GARNL3: variants seen among roughly 807,000 people sequenced by gnomAD.
GARNL3 encodes GTPase-activating Rap/Ran-GAP domain-like protein 3.
GARNL3 carries 63 observed loss-of-function variants against 125.0 expected under a neutral mutation model. The ratio of observed to expected loss-of-function variants is 0.50; its 90% CI spans 0.41 to 0.62. GARNL3 has a LOEUF of 0.62. GARNL3 is among the 20% of genes least tolerant of loss of function. The pLI, the probability that GARNL3 is intolerant of heterozygous loss-of-function variation, is 0.00. For synonymous variants in GARNL3, 439 were observed against 457.5 expected (o/e 0.96, Z 0.52); for missense variants, 994 against 1,244.0 (o/e 0.80, Z 3.02).
intron 22 of GARNL3, among the ~76,000 whole-genome samples, chr9:127,381,743 CCCG>C (rs1832271221): frequency 6.7e-6 from 1 of 149,486 alleles, no homozygotes; most frequent in Non-Finnish European, 1.5e-5. Context: ...ACTACAGGCG[CCCG>C]CCACCACGCC....
At chr9:127,332,969 A>G in intron 8 of GARNL3, 54 bp from the exon 9 acceptor site, 1 of 1,236,894 alleles carries the variant, frequency 8.1e-7, no homozygotes, top group Middle Eastern at 1.9e-4. Flanking sequence ...CATAGTTAGA[A>G]AATGAGGACT....
rs114486389 is a variant in GARNL3 at position 127,314,157 on chromosome 9, G to A, written c.438+598G>A. 6.5e-3 allele frequency among the ~76,000 whole-genome samples: 988 copies of A among 152,284 alleles called. 9 individuals are homozygous for A. The highest frequency in any genetic ancestry group is 0.022 in the African/African-American group (933 of 41,540). On this transcript the variant is annotated intron_variant, in intron 4 of 27. Coordinates refer to ENST00000373387, the MANE Select transcript of GARNL3 (RefSeq NM_032293.5). The stretch of plus-strand genomic sequence containing the variant: ...CTCCTTGTCCTGATCCCAGGTCTCC[G>A]CTAGTCTCTGAATCTCTTAGAAGCT...
rs550474324 is a variant in GARNL3, at chr9:127,231,205, C to T, written c.-29+6867C>T. On this transcript the variant is annotated intron_variant, in intron 1 of 10. Transcript: ENST00000439286. ...TAGTAGCTGGGACTACAGGCGCCCGCCACCACGCCCAGCTAATTTTTTGTT... is the reference window on the plus strand; with the variant it reads ...TAGTAGCTGGGACTACAGGCGCCCGTCACCACGCCCAGCTAATTTTTTGTT... Among the ~76,000 whole-genome samples, 32 of 144,800 alleles carry T rather than the reference C, an allele frequency of 2.2e-4. No individual in the cohort carries two copies. The South Asian group carries it at 7.0e-3, about 32-fold the overall frequency. The allele number at this position is 144,800 out of a possible 152,430, so 95.0% of individuals were successfully genotyped here. A position where few individuals can be genotyped will look rare whatever the true frequency, so the allele number is the denominator to read the frequency against.
chr9:127,264,163 G>A, upstream of GARNL3: 1 of 499,908 alleles, frequency 2.0e-6, no homozygotes, highest in Non-Finnish European at 3.4e-6. Flanking sequence ...ATCTCATGTG[G>A]TTTCATGAGT....
intron 22 of GARNL3, among the ~76,000 whole-genome samples, chr9:127,370,674 C>A (rs1245635032): frequency 6.6e-6 from 1 of 152,236 alleles, no homozygotes; most frequent in African/African-American, 2.4e-5. Flanking sequence ...TTCAGACTTC[C>A]TTCTCTCCCA....
Position 127,389,008 on chromosome 9 carries a change from C to T in GARNL3, c.2632C>T (p.Pro878Ser), listed in dbSNP as rs1353885062. The change falls in exon 26 of 28, where the codon CCA becomes TCA. Residue 878 changes from proline (P) to serine (S), a missense_variant. Physicochemically the swap from Pro to Ser is moderately conservative, Grantham distance 74. This residue lies in a region of GARNL3 where 728 missense variants were observed against 865.7 expected (regional missense o/e 0.84). Coordinates refer to ENST00000373387, the MANE Select transcript of GARNL3 (RefSeq NM_032293.5). ...KSPLVSKVIT[P>S]PTPISVGLAA... is the part of the protein sequence containing the mutation. Reference sequence around the variant, plus strand: ...ACCCTTAGTCTCCAAGGTCATCACCCCACCCACTCCCATCAGTGTGGGCCT... The same window carrying T: ...ACCCTTAGTCTCCAAGGTCATCACCTCACCCACTCCCATCAGTGTGGGCCT... 2 of 1,613,424 alleles carry T rather than the reference C, an allele frequency of 1.2e-6. No individual in the cohort carries two copies. The highest frequency in any genetic ancestry group is 1.7e-6 in the Non-Finnish European group (2 of 1,179,444).
chr9:127,368,310 G>T (rs896432040), intron 22 of GARNL3, among the ~76,000 whole-genome samples: 2 of 149,884 alleles, frequency 1.3e-5, no homozygotes, highest in Non-Finnish European at 1.5e-5. Flanking sequence ...TGCTGAGAAG[G>T]TCAGGTCCAA....
chr9:127,263,470 C>T (rs769440719), upstream of GARNL3, among the ~76,000 whole-genome samples: 4 of 152,194 alleles, frequency 2.6e-5, no homozygotes, highest in Non-Finnish European at 4.4e-5. Context: ...TCCACCGGCA[C>T]TCCTCTCACT....
At chr9:127,264,104 T>G, upstream of GARNL3, 1 of 742,760 alleles carries the variant, frequency 1.3e-6, no homozygotes, top group Non-Finnish European at 2.1e-6. Context: ...TAGAGTTATT[T>G]GCATGACATA....
chr9:127,342,763 C>T (rs1021417452), intron 14 of GARNL3, among the ~76,000 whole-genome samples: 1 of 152,028 alleles, frequency 6.6e-6, no homozygotes, highest in Admixed American at 6.6e-5. Context: ...TATTGGCCAG[C>T]CCCATATTCA....
At position 127,354,001 on chromosome 9, in the gene GARNL3, G is replaced by A. The variant is rs75410520; in HGVS notation, c.1642+57G>A. The A allele has an allele frequency of 1.7e-3, 1,970 of 1,146,510 alleles. 31 individuals are homozygous for A. The African/African-American group carries it at 0.027, about 16-fold the overall frequency. The allele number at this position is 1,146,510 out of a possible 1,614,324, so 71.0% of individuals were successfully genotyped here. ...AGGAAGGAAAACAGTTGCCTTCTGCGGCCCACACCACAGGTCGCCAGGGTC... is the reference window on the plus strand; with the variant it reads ...AGGAAGGAAAACAGTTGCCTTCTGCAGCCCACACCACAGGTCGCCAGGGTC... On this transcript the variant is annotated intron_variant, in intron 18 of 27. Coordinates refer to ENST00000373387, the MANE Select transcript of GARNL3 (RefSeq NM_032293.5).
At chr9:127,271,445 A>G (rs2063822132) in intron 1 of GARNL3, among the ~76,000 whole-genome samples, 1 of 150,330 alleles carries the variant, frequency 6.7e-6, no homozygotes, top group Non-Finnish European at 1.5e-5. Context: ...AGAGAAAACA[A>G]GCCTCTTTGA....
At chr9:127,269,769 T>C (rs2063777588) in intron 1 of GARNL3, among the ~76,000 whole-genome samples, 1 of 135,940 alleles carries the variant, frequency 7.4e-6, no homozygotes, top group African/African-American at 2.6e-5. Flanking sequence ...GGGTTTTTGT[T>C]TTGTTTTGTT....
rs141332782 is a variant in GARNL3 at position 127,285,553 on chromosome 9, C to T, written c.145-5615C>T. On this transcript the variant is annotated intron_variant, in intron 1 of 27. Transcript: ENST00000373387. Reference sequence around the variant, plus strand: ...GTTTATTAAATTTATGATTTGATTCCGCTATAAATCCATACTCATTTTTGC... The same window carrying T: ...GTTTATTAAATTTATGATTTGATTCTGCTATAAATCCATACTCATTTTTGC... 3.9e-5 allele frequency among the ~76,000 whole-genome samples: 6 copies of T among 152,102 alleles called. No homozygotes were observed. In the East Asian group the frequency reaches 9.6e-4, roughly 24 times the overall value.
intron 7 of GARNL3, among the ~76,000 whole-genome samples, chr9:127,331,821 A>G (rs1217186670): frequency 1.4e-5 from 2 of 144,848 alleles, no homozygotes; most frequent in Admixed American, 7.3e-5. Flanking sequence ...TATAATTTTC[A>G]TTTCTGTGTC....
chr9:127,274,889 A>G (rs1200213904), intron 1 of GARNL3, among the ~76,000 whole-genome samples: 3 of 152,176 alleles, frequency 2.0e-5, no homozygotes, highest in South Asian at 2.1e-4. Context: ...CAAAATGCAC[A>G]TAAGTCTCTA....
intron 2 of GARNL3, among the ~76,000 whole-genome samples, chr9:127,251,895 C>T (rs2063411513): frequency 1.3e-5 from 2 of 152,142 alleles, no homozygotes; most frequent in Non-Finnish European, 2.9e-5. Context: ...GATGCCCCCT[C>T]CCCTTAACTG....
chr9:127,225,385 G>A (rs1268179246), intron 1 of GARNL3: 7 of 984,694 alleles, frequency 7.1e-6, no homozygotes, highest in Non-Finnish European at 8.4e-6. Flanking sequence ...CGCAGGGGGT[G>A]CAGCTTCGAG....
At chr9:127,281,074 G>C (rs1198728445) in intron 1 of GARNL3, among the ~76,000 whole-genome samples, 2 of 152,256 alleles carry the variant, frequency 1.3e-5, no homozygotes, top group Non-Finnish European at 1.5e-5. Flanking sequence ...GACTTGACTT[G>C]GTGGCACGAG....
Sources: gnomAD v4.1 joint callset for allele counts (sites outside exome capture counted in the v4.1 genomes callset) on GRCh38, gnomAD v4.1.1 for gene constraint, gnomAD v4.1.1 regional missense constraint, MANE v1.5 for transcripts, NCBI Gene and HGNC (gene_info 2026-07-23, HGNC 2026-07-21) for gene names.